The following AUTS2 variants were observed in gnomAD, a reference collection of about 807,000 sequenced individuals.
AUTS2 encodes autism susceptibility gene 2 protein.
AUTS2 carries 17 observed loss-of-function variants against 112.4 expected under a neutral mutation model. The ratio of observed to expected loss-of-function variants is 0.15; its 90% confidence interval spans 0.10 to 0.23. AUTS2 has a LOEUF of 0.23. Among genes scored for constraint, AUTS2 ranks in the 10% least tolerant of loss-of-function variants. AUTS2 has a pLI of 1.00. For synonymous variants in AUTS2, 751 were observed against 702.7 expected (o/e 1.07, Z -1.09); for missense variants, 1,510 against 1,701.6 (o/e 0.89, Z 1.98).
At chr7:70,375,647 T>G (rs1408991130) in intron 4 of AUTS2, among the ~76,000 whole-genome samples, 2 of 152,354 alleles carry the variant, frequency 1.3e-5, no homozygotes, top group Admixed American at 1.3e-4. Context: ...TTTATTATTC[T>G]GGGAAGAAAA....
At chr7:70,067,354 AC>A (rs1250215111) in intron 2 of AUTS2, among the ~76,000 whole-genome samples, 3 of 152,234 alleles carry the variant, frequency 2.0e-5, no homozygotes, top group African/African-American at 7.2e-5. Flanking sequence ...ATAAGGAGGT[AC>A]TACTTTTCAC....
intron 5 of AUTS2, among the ~76,000 whole-genome samples, chr7:70,672,070 A>G (rs1244765277): frequency 6.6e-6 from 1 of 152,228 alleles, no homozygotes; most frequent in Non-Finnish European, 1.5e-5. Context: ...AGGTAAGACC[A>G]CTGACAATCA....
chr7:70,545,898 G>A (rs1800755321), intron 5 of AUTS2, among the ~76,000 whole-genome samples: 1 of 152,154 alleles, frequency 6.6e-6, no homozygotes, highest in Admixed American at 6.5e-5. Context: ...AAACAAGACT[G>A]GCCATGGACT....
At chr7:70,674,663 C>T (rs1273899765) in intron 5 of AUTS2, among the ~76,000 whole-genome samples, 2 of 152,186 alleles carry the variant, frequency 1.3e-5, no homozygotes, top group African/African-American at 4.8e-5. Flanking sequence ...TGCTTGTTAC[C>T]TGCTTTTACC....
intron 6 of AUTS2, among the ~76,000 whole-genome samples, chr7:70,761,423 CA>C (rs1157022061): frequency 6.6e-6 from 1 of 152,220 alleles, no homozygotes; most frequent in African/African-American, 2.4e-5. Flanking sequence ...ACGCCCAGGG[CA>C]GTTCATTTAA....
chr7:70,038,191 T>C (rs543895105), intron 2 of AUTS2, among the ~76,000 whole-genome samples: 2 of 152,258 alleles, frequency 1.3e-5, no homozygotes, highest in East Asian at 3.9e-4. Context: ...GGAGCTTACT[T>C]GCAGCATAGC....
intron 6 of AUTS2, among the ~76,000 whole-genome samples, chr7:70,699,927 G>T (rs1809353632): frequency 6.6e-6 from 1 of 150,996 alleles, no homozygotes; most frequent in African/African-American, 2.5e-5. Context: ...CCAAAGGCAG[G>T]GCTTCTTCGT....
At chr7:70,772,987 A>AT (rs1304745636) in intron 11 of AUTS2, among the ~76,000 whole-genome samples, 1 of 152,220 alleles carries the variant, frequency 6.6e-6, no homozygotes, top group African/African-American at 2.4e-5. Context: ...AGAAAACTAC[A>AT]TCTGGGCAAG....
At chr7:70,680,248 A>G (rs1459064131) in intron 5 of AUTS2, among the ~76,000 whole-genome samples, 1 of 152,206 alleles carries the variant, frequency 6.6e-6, no homozygotes, top group Non-Finnish European at 1.5e-5. Context: ...CTGTTTATAC[A>G]TTAGGTACCA....
At chr7:70,332,582 C>A (rs1790806173) in intron 4 of AUTS2, among the ~76,000 whole-genome samples, 1 of 152,166 alleles carries the variant, frequency 6.6e-6, no homozygotes, top group Non-Finnish European at 1.5e-5. Context: ...GCTACAGTAA[C>A]CACAACAGCA....
chr7:70,390,066 G>A (rs945681871), intron 4 of AUTS2, among the ~76,000 whole-genome samples: 1 of 152,164 alleles, frequency 6.6e-6, no homozygotes, highest in Non-Finnish European at 1.5e-5. Context: ...TTGTTTTGTG[G>A]ATTCATTCAA....
intron 5 of AUTS2, among the ~76,000 whole-genome samples, chr7:70,545,107 T>C (rs1399278056): frequency 6.6e-6 from 1 of 152,206 alleles, no homozygotes; most frequent in African/African-American, 2.4e-5. Context: ...AAATTGAAAT[T>C]CAGGCCTTGA....
chr7:70,538,880 C>A (rs1250805300), intron 5 of AUTS2, among the ~76,000 whole-genome samples: 6 of 152,140 alleles, frequency 3.9e-5, no homozygotes, highest in African/African-American at 1.4e-4. Context: ...ATGGATTGAA[C>A]ACCTATTGTG....
intron 5 of AUTS2, among the ~76,000 whole-genome samples, chr7:70,581,199 G>A (rs766232636): frequency 1.6e-4 from 25 of 151,998 alleles, no homozygotes; most frequent in Non-Finnish European, 2.8e-4. Flanking sequence ...CCTGACCAAC[G>A]TGGTGAAACC....
intron 2 of AUTS2, among the ~76,000 whole-genome samples, chr7:69,951,857 C>T (rs924598633): frequency 6.6e-6 from 1 of 152,044 alleles, no homozygotes; most frequent in Non-Finnish European, 1.5e-5. Flanking sequence ...CTTTAACTCT[C>T]GATTATTTGT....
At chr7:69,904,157 C>T (rs1216663570) in intron 2 of AUTS2, among the ~76,000 whole-genome samples, 1 of 152,214 alleles carries the variant, frequency 6.6e-6, no homozygotes, top group Non-Finnish European at 1.5e-5. Context: ...GCCCAGGTGA[C>T]TGAGCCACCC....
At chr7:70,035,183 C>T (rs1056964646) in intron 2 of AUTS2, among the ~76,000 whole-genome samples, 3 of 152,138 alleles carry the variant, frequency 2.0e-5, no homozygotes, top group African/African-American at 4.8e-5. Flanking sequence ...TGCAGAATGC[C>T]TTTGATGATG....
At chr7:70,166,217 C>G (rs1246399743) in intron 4 of AUTS2, among the ~76,000 whole-genome samples, 1 of 152,040 alleles carries the variant, frequency 6.6e-6, no homozygotes, top group African/African-American at 2.4e-5. Flanking sequence ...CAATATGAGT[C>G]AAATCTAACA....
Position 69,789,208 on chromosome 7 carries a change from T to C in AUTS2, c.310-110078T>C, listed in dbSNP as rs140594803. ...TTTTGGGTTTGCTTGTGTGGACAATTTCCATTCAGCAATGGCTCTCAAACT... is the reference window on the plus strand; with the variant it reads ...TTTTGGGTTTGCTTGTGTGGACAATCTCCATTCAGCAATGGCTCTCAAACT... On this transcript the variant is annotated intron_variant, in intron 1 of 18. Transcript: ENST00000342771. 1.2e-3 allele frequency among the ~76,000 whole-genome samples: 176 copies of C among 152,254 alleles called. 2 individuals carry two copies. In the Middle Eastern group the frequency reaches 0.034, roughly 29 times the overall value.
Sources: allele counts gnomAD v4.1 joint callset (sites outside exome capture counted in the v4.1 genomes callset), GRCh38; gene constraint gnomAD v4.1.1; transcripts MANE v1.5; gene names NCBI Gene and HGNC (gene_info 2026-07-23, HGNC 2026-07-21).